The following CTNNA3 variants were observed in gnomAD, a reference collection of about 807,000 sequenced individuals.
The protein encoded by CTNNA3 is catenin alpha-3.
CTNNA3 carries 76 observed loss-of-function variants against 95.7 expected under a neutral mutation model. The ratio of observed to expected loss-of-function variants is 0.79; its 90% CI spans 0.66 to 0.96. CTNNA3 has a LOEUF of 0.96. CTNNA3 is among the 40% of genes least tolerant of loss of function. CTNNA3 has a pLI of 0.00. For synonymous variants in CTNNA3, 431 were observed against 374.4 expected, an observed-to-expected ratio of 1.15 and a Z score of -1.74; for missense variants, 1,191 against 1,089.8, an observed-to-expected ratio of 1.09 and a Z score of -1.31.
intron 12 of CTNNA3, among the ~76,000 whole-genome samples, chr10:66,367,745 G>A (rs2092720473): frequency 6.7e-6 from 1 of 149,078 alleles, no homozygotes; most frequent in Non-Finnish European, 1.5e-5. Flanking sequence ...CCTCCTGGGT[G>A]GGGACTGGTA....
At chr10:66,145,318 T>C (rs986939512) in intron 13 of CTNNA3, among the ~76,000 whole-genome samples, 1 of 152,132 alleles carries the variant, frequency 6.6e-6, no homozygotes, top group African/African-American at 2.4e-5. Flanking sequence ...ATTAGCACCA[T>C]ATCATGTACA....
intron 5 of CTNNA3, among the ~76,000 whole-genome samples, chr10:67,239,669 A>G (rs190149474): frequency 6.6e-6 from 1 of 152,192 alleles, no homozygotes; most frequent in South Asian, 2.1e-4. Flanking sequence ...TTCACATAAA[A>G]TCAAGGAAAT....
chr10:66,576,642 T>TTGC (rs1843011892), intron 10 of CTNNA3, among the ~76,000 whole-genome samples: 1 of 152,138 alleles, frequency 6.6e-6, no homozygotes, highest in Admixed American at 6.6e-5. Context: ...ACATTTCATG[T>TTGC]TGCTGCAAAG....
rs540714368 is a variant in CTNNA3, at chr10:66,504,083, C to T, written c.1531+16534G>A. Among the ~76,000 whole-genome samples, 8 of 152,066 alleles carry T rather than the reference C, an allele frequency of 5.3e-5. No homozygotes were observed. The South Asian group carries it at 1.5e-3, about 28-fold the overall frequency. ...TGAGAACATTTACTTGTTCTCTCAG[C>T]GATTTTCAAACTGACAATATATTGT... On this transcript the variant is annotated intron_variant, in intron 11 of 17. Transcript: ENST00000433211.
At chr10:66,906,437 C>T (rs1845989906) in intron 7 of CTNNA3, among the ~76,000 whole-genome samples, 1 of 152,048 alleles carries the variant, frequency 6.6e-6, no homozygotes, top group African/African-American at 2.4e-5. Context: ...ACAAATAACC[C>T]AGTTTCTTTA....
At chr10:67,235,268 A>C (rs1310824073) in intron 5 of CTNNA3, among the ~76,000 whole-genome samples, 8 of 150,746 alleles carry the variant, frequency 5.3e-5, no homozygotes, top group Non-Finnish European at 1.0e-4. Context: ...AAACTATACT[A>C]CAAGGCTACA....
chr10:67,098,774 A>G (rs914476516), intron 7 of CTNNA3: 2 of 152,072 alleles, frequency 1.3e-5, no homozygotes, highest in Non-Finnish European at 2.9e-5. Flanking sequence ...AGGTGGGAGT[A>G]TAGTGCATAA....
intron 1 of CTNNA3, among the ~76,000 whole-genome samples, chr10:67,692,122 G>T (rs1299225212): frequency 6.6e-6 from 1 of 150,964 alleles, no homozygotes; most frequent in Non-Finnish European, 1.5e-5. Flanking sequence ...GAGGTGGGGG[G>T]TCAGCCCCCT....
At chr10:67,603,321 C>A (rs191096361) in intron 3 of CTNNA3, among the ~76,000 whole-genome samples, 1 of 152,094 alleles carries the variant, frequency 6.6e-6, no homozygotes, top group African/African-American at 2.4e-5. Context: ...TGACGGTGGT[C>A]CCATAGGAAT....
chr10:66,033,564 G>GCA (rs2079494672), intron 15 of CTNNA3, among the ~76,000 whole-genome samples: 1 of 151,606 alleles, frequency 6.6e-6, no homozygotes, highest in Non-Finnish European at 1.5e-5. Context: ...GTATACAATA[G>GCA]CACTCATTCA....
chr10:66,180,525 C>A (rs1261921299), intron 13 of CTNNA3, among the ~76,000 whole-genome samples: 2 of 152,004 alleles, frequency 1.3e-5, no homozygotes, highest in Non-Finnish European at 2.9e-5. Context: ...ATATCAGATA[C>A]AAAACCAATT....
chr10:67,198,623 C>T (rs144096881), intron 6 of CTNNA3, among the ~76,000 whole-genome samples: 72 of 152,232 alleles, frequency 4.7e-4, no homozygotes, highest in African/African-American at 1.7e-3. Flanking sequence ...GTTTTATATC[C>T]TTCTCTTTTT....
intron 9 of CTNNA3, among the ~76,000 whole-genome samples, chr10:66,660,918 TTATTCAA>T (rs1480868482): frequency 6.6e-6 from 1 of 152,190 alleles, no homozygotes; most frequent in Non-Finnish European, 1.5e-5. Context: ...TCTGTATCTT[TTATTCAA>T]TATTTTCCCA....
intron 13 of CTNNA3, among the ~76,000 whole-genome samples, chr10:66,169,911 T>C (rs2131828265): frequency 6.6e-6 from 1 of 152,310 alleles, no homozygotes; most frequent in Non-Finnish European, 1.5e-5. Flanking sequence ...CCATAGATTT[T>C]GGATATTAGT....
chr10:67,171,954 T>A (rs1285817096), intron 7 of CTNNA3, among the ~76,000 whole-genome samples: 1 of 152,098 alleles, frequency 6.6e-6, no homozygotes, highest in Non-Finnish European at 1.5e-5. Flanking sequence ...AGAAACACAT[T>A]TGCAAACTAA....
chr10:67,086,448 T>G (rs1215763480), intron 7 of CTNNA3, among the ~76,000 whole-genome samples: 3 of 152,026 alleles, frequency 2.0e-5, no homozygotes, highest in Non-Finnish European at 4.4e-5. Context: ...TAAGTAATCA[T>G]ATCATTTGAA....
chr10:67,117,251 C>T (rs1029474155), intron 7 of CTNNA3, among the ~76,000 whole-genome samples: 3 of 151,684 alleles, frequency 2.0e-5, no homozygotes, highest in African/African-American at 7.3e-5. Context: ...TCCCTTCTGG[C>T]TCCAATATTT....
chr10:66,414,768 C>T (rs1025123488), intron 11 of CTNNA3, among the ~76,000 whole-genome samples: 8 of 152,122 alleles, frequency 5.3e-5, no homozygotes, highest in African/African-American at 1.9e-4. Context: ...GGCCACTACA[C>T]TCTGATGGAG....
chr10:67,470,581 C>T (rs187554347), intron 5 of CTNNA3, among the ~76,000 whole-genome samples: 227 of 152,008 alleles, frequency 1.5e-3, no homozygotes, highest in African/African-American at 4.8e-3. Flanking sequence ...TACAGACTGC[C>T]TTAGACAAGT....
Sources: gnomAD v4.1 joint callset for allele counts (sites outside exome capture counted in the v4.1 genomes callset) on GRCh38, gnomAD v4.1.1 for gene constraint, MANE v1.5 for transcripts, NCBI Gene and HGNC (gene_info 2026-07-23, HGNC 2026-07-21) for gene names.